Variants in STAB2 observed in about 807,000 individuals in gnomAD.
The protein encoded by STAB2 is stabilin 2.
In STAB2, 288 loss-of-function variants were observed where a neutral mutation model predicts 338.1. That is an observed-to-expected ratio of 0.85 (90% CI 0.77 to 0.94). The LOEUF is 0.94. Among genes scored for constraint, STAB2 ranks in the 40% least tolerant of loss-of-function variants. The pLI is 0.00. For synonymous variants in STAB2, 1,202 were observed against 1,193.3 expected (o/e 1.01, Z -0.15); for missense variants, 3,141 against 3,210.1 (o/e 0.98, Z 0.52).
intron 27 of STAB2, among the ~76,000 whole-genome samples, chr12:103,687,759 T>C (rs1383914858): frequency 6.6e-6 from 1 of 152,170 alleles, no homozygotes; most frequent in Non-Finnish European, 1.5e-5. Context: ...ACCCATGTGG[T>C]TTGCTTCCAT....
At position 103,699,231 on chromosome 12, in the gene STAB2, C is replaced by G. The variant is rs374683198; in HGVS notation, c.3714+4C>G. 1 of 1,607,118 alleles carries G rather than the reference C, an allele frequency of 6.2e-7. No individual in the cohort carries two copies. Among genetic ancestry groups the G allele is most frequent in the South Asian group, 1.1e-5 (1 of 90,684 alleles). On this transcript the variant is annotated splice_donor_region_variant and intron_variant, in intron 34 of 68. Transcript: ENST00000388887. The stretch of plus-strand genomic sequence containing the variant: ...CTTCTTTCTCCATAATGACCAGGTA[C>G]GATCCTTTTATGTAAAACCCCAGCA...
rs543688826 is a variant in STAB2 at position 103,705,037 on chromosome 12, A to G, written c.3900+423A>G. The G allele has an allele frequency of 1.4e-3, 228 of 159,560 alleles. 1 individual carries two copies. Among genetic ancestry groups the G allele is most frequent in the Non-Finnish European group, 2.5e-3 (186 of 73,130 alleles). 9.9% of individuals were successfully genotyped at this position (159,560 alleles called of 1,614,324 possible). ...AAGAAACAGATGGCAGGTACGGGGG[A>G]GGTAGACAATCCATGTTTCTTGTTG... On this transcript the variant is annotated intron_variant, in intron 36 of 68. Coordinates refer to ENST00000388887, the MANE Select transcript of STAB2 (RefSeq NM_017564.10).
rs778056493 is a variant in STAB2, at chr12:103,662,949, T to A, written c.1973T>A (p.Val658Asp). ...GGAGTTCTCATTCCTCCCTCCATTG[T>A]CCCGATTCTGCCCCATCGATGTGAT... ...LTGVLIPPSI[V>D]PILPHRCDET... is the part of the protein sequence containing the mutation. Residue 658 changes from valine to aspartate, a missense_variant, in exon 18 of 69, where the codon GTC becomes GAC. Transcript: ENST00000388887. 2.5e-6 allele frequency: 4 copies of A among 1,614,126 alleles called. No homozygotes were observed. The highest frequency in any genetic ancestry group is 3.4e-6 in the Non-Finnish European group (4 of 1,180,038).
intron 66 of STAB2, 145 bp from the exon 67 acceptor site, chr12:103,762,129 C>T (rs538768638): frequency 2.8e-6 from 3 of 1,077,830 alleles, no homozygotes; most frequent in East Asian, 2.4e-5. Flanking sequence ...GGTATTAGAC[C>T]CTGGCAGTAA....
At chr12:103,731,732 C>A in intron 50 of STAB2, 97 bp downstream of exon 50, 1 of 1,285,280 alleles carries the variant, frequency 7.8e-7, no homozygotes, top group South Asian at 1.3e-5. Flanking sequence ...TTGACATTGG[C>A]CAGCTGTTGT....
intron 3 of STAB2, among the ~76,000 whole-genome samples, chr12:103,616,281 C>T (rs1957209518): frequency 6.6e-6 from 1 of 152,074 alleles, no homozygotes; most frequent in South Asian, 2.1e-4. Flanking sequence ...TGTGTTATAA[C>T]AGGAATGAGC....
rs1593308675 is a variant in STAB2 at position 103,739,565 on chromosome 12, G to A, written c.5754+97G>A. ...TGTGTGTGTGTGTGTGTGTGTGTGT[G>A]TGTGTGTGCCCGTGCACGTATGTTG... On this transcript the variant is annotated intron_variant, in intron 54 of 68. Coordinates refer to ENST00000388887, the MANE Select transcript of STAB2 (RefSeq NM_017564.10). 17 of 883,740 alleles carry A rather than the reference G, an allele frequency of 1.9e-5. No individual in the cohort carries two copies. The South Asian group carries it at 3.6e-4, about 19-fold the overall frequency. The allele number at this position is 883,740 out of a possible 1,614,324, so 54.7% of individuals were successfully genotyped here.
At chr12:103,723,203 A>G (rs1880905269) in intron 44 of STAB2, among the ~76,000 whole-genome samples, 1 of 152,224 alleles carries the variant, frequency 6.6e-6, no homozygotes, top group East Asian at 1.9e-4. Context: ...GTCAATTTTC[A>G]CGCTGCTGAT....
intron 19 of STAB2, among the ~76,000 whole-genome samples, chr12:103,667,418 G>A (rs1355165618): frequency 6.6e-6 from 1 of 152,132 alleles, no homozygotes; most frequent in Admixed American, 6.5e-5. Context: ...TATGATTAGG[G>A]CACTAAGGCA....
At chr12:103,643,961 C>T in intron 9 of STAB2, among the ~76,000 whole-genome samples, 1 of 65,990 alleles carries the variant, frequency 1.5e-5, no homozygotes, top group South Asian at 3.9e-4. Context: ...GTGAGGGGCG[C>T]CTCTGCCTGG....
intron 27 of STAB2, among the ~76,000 whole-genome samples, chr12:103,687,648 G>C (rs1180664059): frequency 6.6e-6 from 1 of 152,144 alleles, no homozygotes; most frequent in East Asian, 1.9e-4. Context: ...TTATCAAACT[G>C]TGAGTTGGAG....
chr12:103,766,649 G>A lies in STAB2; in HGVS notation c.*313G>A, dbSNP rs1229471843. On this transcript the variant is annotated 3_prime_UTR_variant, in exon 69 of 69. Coordinates refer to ENST00000388887, the MANE Select transcript of STAB2 (RefSeq NM_017564.10). The stretch of plus-strand genomic sequence containing the variant: ...TGTTAGATTGTAAGCCTCCGTCTTT[G>A]TATCCCAGCCCCTAGCCCAGTGCCT... The A allele has an allele frequency of 6.3e-6, 2 of 316,722 alleles. No individual in the cohort carries two copies. Among genetic ancestry groups the A allele is most frequent in the African/African-American group, 4.2e-5 (2 of 47,324 alleles). 19.6% of individuals were successfully genotyped at this position (316,722 alleles called of 1,614,324 possible).
intron 47 of STAB2, among the ~76,000 whole-genome samples, chr12:103,728,042 A>T (rs1314045414): frequency 2.0e-5 from 3 of 152,230 alleles, no homozygotes; most frequent in Non-Finnish European, 4.4e-5. Context: ...GCACAAAAAT[A>T]GTTTTTGAAA....
chr12:103,685,861 A>ATACATAGAAATATGTATGTAT (rs896876598), intron 27 of STAB2, among the ~76,000 whole-genome samples: 9 of 152,150 alleles, frequency 5.9e-5, no homozygotes, highest in African/African-American at 2.2e-4. Flanking sequence ...CTATGTATAT[A>ATACATAGAAATATGTATGTAT]GTTCAGCAGT....
intron 66 of STAB2, among the ~76,000 whole-genome samples, chr12:103,761,964 A>G (rs1884571586): frequency 6.6e-6 from 1 of 152,216 alleles, no homozygotes; most frequent in African/African-American, 2.4e-5. Context: ...CAGAAGCTCC[A>G]AAGCCAGACT....
chr12:103,618,759 A>T (rs1463227056), intron 3 of STAB2, among the ~76,000 whole-genome samples: 1 of 152,222 alleles, frequency 6.6e-6, no homozygotes, highest in Non-Finnish European at 1.5e-5. Context: ...ATTTAACTTC[A>T]GAGGATTGCT....
chr12:103,619,084 G>A (rs1023091686), intron 3 of STAB2, among the ~76,000 whole-genome samples: 3 of 152,204 alleles, frequency 2.0e-5, no homozygotes, highest in African/African-American at 4.8e-5. Context: ...GGAACAGTGA[G>A]TCCATTAAAT....
intron 3 of STAB2, among the ~76,000 whole-genome samples, chr12:103,602,387 T>G (rs774953419): frequency 2.6e-5 from 4 of 152,216 alleles, no homozygotes; most frequent in Non-Finnish European, 5.9e-5. Flanking sequence ...ACATCTGGGT[T>G]TGTTTCCAGT....
chr12:103,673,372 G>T (rs1876007981), intron 22 of STAB2, among the ~76,000 whole-genome samples: 1 of 151,518 alleles, frequency 6.6e-6, no homozygotes, highest in Non-Finnish European at 1.5e-5. Context: ...TTTGAGACAG[G>T]GTCTCACTCT....
Sources: gnomAD v4.1 joint callset for allele counts (sites outside exome capture counted in the v4.1 genomes callset) on GRCh38, gnomAD v4.1.1 for gene constraint, MANE v1.5 for transcripts, NCBI Gene and HGNC (gene_info 2026-07-23, HGNC 2026-07-21) for gene names.